Variants in NRXN3 observed in about 807,000 individuals in gnomAD.
The protein encoded by NRXN3 is neurexin 3, also known as neurexin III.
In NRXN3, 32 loss-of-function variants were observed where a neutral mutation model predicts 137.6. That is an observed-to-expected ratio of 0.23 (90% CI 0.18 to 0.31). The LOEUF is 0.31. Among genes scored for constraint, NRXN3 ranks in the 10% least tolerant of loss-of-function variants. NRXN3 has a pLI of 1.00. For synonymous variants in NRXN3, 798 were observed against 784.5 expected (o/e 1.02, Z -0.29); for missense variants, 1,574 against 2,062.5 (o/e 0.76, Z 4.59).
Position 79,861,904 on chromosome 14 carries a change from G to C in NRXN3, c.4656G>C (p.Gln1552His). 1 of 1,614,024 alleles carries C rather than the reference G, an allele frequency of 6.2e-7. No homozygotes were observed. Among genetic ancestry groups the C allele is most frequent in the Non-Finnish European group, 8.5e-7 (1 of 1,179,954 alleles). Reference sequence around the variant, plus strand: ...ACGGCACGCTCATGAAGGAGAAGCAGCAGAGCTCGAAGAGCGGCCACAAGA... The same window carrying C: ...ACGGCACGCTCATGAAGGAGAAGCACCAGAGCTCGAAGAGCGGCCACAAGA... ...QSNGTLMKEKQQSSKSGHKKQ... is the reference protein window; with the variant it reads ...QSNGTLMKEKHQSSKSGHKKQ... The change falls in exon 21 of 21, where the codon CAG (glutamine) becomes CAC (histidine). Residue 1552 changes from glutamine (Q) to histidine (H), a missense_variant. By Grantham distance (24) the Gln-to-His change is conservative. Coordinates refer to ENST00000335750, the MANE Select transcript of NRXN3 (RefSeq NM_001330195.2). The surrounding 1 kb of genome is among the most constrained non-coding windows in gnomAD (Gnocchi z 5.4).
At chr14:79,602,425 C>A (rs1356233705) in intron 16 of NRXN3, among the ~76,000 whole-genome samples, 3 of 152,220 alleles carry the variant, frequency 2.0e-5, no homozygotes, top group Non-Finnish European at 2.9e-5. Context: ...TTCTCGGCTA[C>A]AAGTTTTGCC....
intron 20 of NRXN3, among the ~76,000 whole-genome samples, chr14:79,837,309 G>A (rs990238613): frequency 2.3e-4 from 35 of 150,494 alleles, no homozygotes; most frequent in Middle Eastern, 3.4e-3. Context: ...TAAAAAAACC[G>A]TCTTATCCAT....
intron 19 of NRXN3, among the ~76,000 whole-genome samples, chr14:79,776,786 A>T (rs2099098475): frequency 2.0e-5 from 3 of 152,160 alleles, no homozygotes. Flanking sequence ...TTTTTTTCCC[A>T]ATGTACTGGG....
At chr14:79,780,196 G>C (rs1339526194) in intron 19 of NRXN3, among the ~76,000 whole-genome samples, 3 of 151,912 alleles carry the variant, frequency 2.0e-5, no homozygotes, top group Non-Finnish European at 2.9e-5. Flanking sequence ...TTTTGAGGAG[G>C]TAATTATTTG....
intron 4 of NRXN3, among the ~76,000 whole-genome samples, chr14:78,471,982 C>T (rs1476049964): frequency 6.6e-6 from 1 of 152,168 alleles, no homozygotes; most frequent in African/African-American, 2.4e-5. Context: ...CTCTGCATCC[C>T]TGCTGAGAAT....
chr14:78,242,827 C>A lies in NRXN3; in HGVS notation c.-267C>A. 1 of 456,584 alleles carries A rather than the reference C, an allele frequency of 2.2e-6. No individual in the cohort carries two copies. The highest frequency in any genetic ancestry group is 3.8e-6 in the Non-Finnish European group (1 of 260,854). The allele number at this position is 456,584 out of a possible 1,614,324, so 28.3% of individuals were successfully genotyped here. A position where few individuals can be genotyped will look rare whatever the true frequency, so the allele number is the denominator to read the frequency against. ...TTTACTCCAGTCCCTCACTTCCCCA[C>A]CTGATTTTCCTCCTCTTCTGCTGGT... On this transcript the variant is annotated 5_prime_UTR_variant, in exon 2 of 21. Coordinates refer to ENST00000335750, the MANE Select transcript of NRXN3 (RefSeq NM_001330195.2).
chr14:79,133,980 G>A (rs1372490734), intron 15 of NRXN3, among the ~76,000 whole-genome samples: 3 of 150,834 alleles, frequency 2.0e-5, no homozygotes, highest in African/African-American at 2.4e-5. Context: ...GAACAAATAC[G>A]TTATTTACTG....
At position 78,637,197 on chromosome 14, in the gene NRXN3, T is replaced by C. The variant is rs553023770; in HGVS notation, c.758-7923T>C. Among the ~76,000 whole-genome samples the C allele has an allele frequency of 2.0e-5, 3 of 152,302 alleles. No homozygotes were observed. In the South Asian group the frequency reaches 6.2e-4, roughly 32 times the overall value. On this transcript the variant is annotated intron_variant, in intron 4 of 20. Transcript: ENST00000335750. Reference sequence around the variant, plus strand: ...CATCTTGAGCCTATACATGTGTCCATTGCTCTAGCCACCTTGCACTTTTCA... The same window carrying C: ...CATCTTGAGCCTATACATGTGTCCACTGCTCTAGCCACCTTGCACTTTTCA...
chr14:78,226,239 G>T (rs537293939), intron 1 of NRXN3, among the ~76,000 whole-genome samples: 3 of 152,174 alleles, frequency 2.0e-5, no homozygotes, highest in Middle Eastern at 3.4e-3. Context: ...TTCTGACCTC[G>T]TGATCCACTC....
At chr14:79,007,156 G>A (rs1330507579) in intron 15 of NRXN3, among the ~76,000 whole-genome samples, 1 of 152,194 alleles carries the variant, frequency 6.6e-6, no homozygotes, top group African/African-American at 2.4e-5. Flanking sequence ...TGTCAAAGAA[G>A]TTCATGTGGC....
chr14:79,053,268 C>T (rs1298882038), intron 15 of NRXN3, among the ~76,000 whole-genome samples: 1 of 152,190 alleles, frequency 6.6e-6, no homozygotes, highest in Non-Finnish European at 1.5e-5. Context: ...TGTATGTTAA[C>T]TCATTTAATT....
intron 19 of NRXN3, among the ~76,000 whole-genome samples, chr14:79,770,867 T>C (rs879162917): frequency 3.9e-5 from 6 of 151,974 alleles, no homozygotes; most frequent in African/African-American, 7.3e-5. Flanking sequence ...ACAAAATTGA[T>C]AGACCACTAG....
intron 4 of NRXN3, among the ~76,000 whole-genome samples, chr14:78,530,124 A>G (rs1003091957): frequency 6.6e-6 from 1 of 152,216 alleles, no homozygotes; most frequent in African/African-American, 2.4e-5. Context: ...GAGATAAAAG[A>G]AAGAAAGAAA....
chr14:79,281,925 G>GA (rs2081340925), intron 15 of NRXN3: 1 of 152,200 alleles, frequency 6.6e-6, no homozygotes, highest in African/African-American at 2.4e-5. Context: ...AGCACATTGA[G>GA]AAAATGCCAG....
At chr14:78,872,434 C>T (rs2099103785) in intron 10 of NRXN3, among the ~76,000 whole-genome samples, 2 of 151,286 alleles carry the variant, frequency 1.3e-5, no homozygotes, top group South Asian at 2.1e-4. Context: ...AATCAGTTTT[C>T]TATTCTCTGC....
At chr14:79,800,185 A>G (rs1312107953) in intron 19 of NRXN3, among the ~76,000 whole-genome samples, 1 of 152,184 alleles carries the variant, frequency 6.6e-6, no homozygotes, top group Non-Finnish European at 1.5e-5. Context: ...AATCATTGTG[A>G]GGGGAAAAAA....
In NRXN3 at chr14:78,842,722, C is replaced by T. The variant is rs553852054; in HGVS notation, c.2275+32378C>T. ...CACAGCTGTGACCATAAAAGACAGC[C>T]GCCCCCAAAGTGACCATTTCAGAGG... On this transcript the variant is annotated intron_variant, in intron 10 of 20. Transcript: ENST00000335750. Among the ~76,000 whole-genome samples, 272 of 152,132 alleles carry T rather than the reference C, an allele frequency of 1.8e-3. 2 individuals are homozygous for T. Among genetic ancestry groups the T allele is most frequent in the South Asian group, 3.1e-3 (15 of 4,828 alleles).
chr14:79,262,052 A>G (rs753012140), intron 15 of NRXN3, among the ~76,000 whole-genome samples: 3 of 152,062 alleles, frequency 2.0e-5, no homozygotes, highest in Non-Finnish European at 2.9e-5. Context: ...CAGGGGAAGG[A>G]AATTTTTAGA....
chr14:79,689,310 T>C (rs377714206), intron 17 of NRXN3, among the ~76,000 whole-genome samples: 1 of 152,138 alleles, frequency 6.6e-6, no homozygotes, highest in Non-Finnish European at 1.5e-5. Flanking sequence ...AGAATACTTA[T>C]ATTTAGAAGG....
Sources: gnomAD v4.1 joint callset for allele counts (sites outside exome capture counted in the v4.1 genomes callset) on GRCh38, gnomAD v4.1.1 for gene constraint, Gnocchi (gnomAD v3.1) non-coding constraint, MANE v1.5 for transcripts, NCBI Gene and HGNC (gene_info 2026-07-23, HGNC 2026-07-21) for gene names.